CDKL1: variants seen among roughly 807,000 people sequenced by gnomAD.
The protein encoded by CDKL1 is cyclin-dependent kinase-like 1.
A neutral mutation model predicts 42.0 loss-of-function variants in CDKL1; 41 were observed. The observed-to-expected ratio is 0.98, with a 90% confidence interval of 0.76 to 1.27. The LOEUF is 1.27. Ranked by LOEUF, CDKL1 falls within the 50% of genes most tolerant of loss-of-function variation. CDKL1 has a pLI of 0.00. For missense variants in CDKL1, 394 were observed against 428.4 expected (o/e 0.92, Z 0.71); for synonymous variants, 153 against 158.6 (o/e 0.96, Z 0.26).
chr14:50,368,440 T>A (rs937798131), intron 2 of CDKL1, among the ~76,000 whole-genome samples: 10 of 152,044 alleles, frequency 6.6e-5, no homozygotes, highest in African/African-American at 2.4e-4. Flanking sequence ...ATTTTTAAAA[T>A]TTTTTTAGAG....
In CDKL1 at chr14:50,327,700, G is replaced by A. The variant is rs2032763276; in HGVS notation, c.*2374C>T. ...GACTGGTCTTGAACTCCTAACCTCAGGATCCACCCGCCTCGGCCTCCCAAA... is the reference window on the plus strand; with the variant it reads ...GACTGGTCTTGAACTCCTAACCTCAAGATCCACCCGCCTCGGCCTCCCAAA... On this transcript the variant is annotated 3_prime_UTR_variant, in exon 10 of 10. Transcript: ENST00000395834. 6.6e-6 allele frequency: 1 copy of A among 151,986 alleles called. No homozygotes were observed. Among genetic ancestry groups the A allele is most frequent in the Admixed American group, 6.5e-5 (1 of 15,276 alleles). The allele number at this position is 151,986 out of a possible 1,614,324, so 9.4% of individuals were successfully genotyped here.
Position 50,329,857 on chromosome 14 carries a change from C to T in CDKL1, c.*217G>A. ...CATAAACTGAAATACAAGTGCAACT[C>T]CAAACAGGTTTTTTCTTTTCTGGAC... On this transcript the variant is annotated 3_prime_UTR_variant, in exon 10 of 10. Transcript: ENST00000395834. 1.9e-6 allele frequency: 1 copy of T among 527,854 alleles called. No individual in the cohort carries two copies. The highest frequency in any genetic ancestry group is 3.2e-6 in the Non-Finnish European group (1 of 309,470). The allele number at this position is 527,854 out of a possible 1,614,324, so 32.7% of individuals were successfully genotyped here. A position where few individuals can be genotyped will look rare whatever the true frequency, so the allele number is the denominator to read the frequency against.
At chr14:50,353,020 C>T (rs115808953) in intron 3 of CDKL1, among the ~76,000 whole-genome samples, 7 of 152,294 alleles carry the variant, frequency 4.6e-5, no homozygotes, top group Non-Finnish European at 7.4e-5. Context: ...TAACTGCATC[C>T]ATCTCGACTT....
chr14:50,342,583 T>A, intron 4 of CDKL1: 1 of 251,122 alleles, frequency 4.0e-6, no homozygotes, highest in Non-Finnish European at 6.9e-6. Context: ...ATACTAAAAG[T>A]TATGCTTGTT....
intron 3 of CDKL1, among the ~76,000 whole-genome samples, chr14:50,354,862 C>T (rs2139437008): frequency 6.6e-6 from 1 of 151,872 alleles, no homozygotes; most frequent in South Asian, 2.1e-4. Context: ...TCTGATTTGG[C>T]AAGAATTATT....
intron 3 of CDKL1, among the ~76,000 whole-genome samples, chr14:50,347,922 T>G (rs992779842): frequency 6.6e-6 from 1 of 152,134 alleles, no homozygotes; most frequent in East Asian, 1.9e-4. Context: ...CTCAGGAGAA[T>G]ACAGTATCAC....
rs2035393127 is a variant in CDKL1 at position 50,396,077 on chromosome 14, T to C, written c.-209A>G. On this transcript the variant is annotated 5_prime_UTR_variant, in exon 2 of 10. Transcript: ENST00000395834. ...GATGGGCGCCCGTAGTCCCAGCAAC[T>C]CAGGAGACTGAGGCAGGAGAATCGC... 2 of 1,117,504 alleles carry C rather than the reference T, an allele frequency of 1.8e-6. No individual in the cohort carries two copies. Among genetic ancestry groups the C allele is most frequent in the East Asian group, 4.0e-5 (1 of 24,986 alleles). 69.2% of individuals were successfully genotyped at this position (1,117,504 alleles called of 1,614,324 possible). A position where few individuals can be genotyped will look rare whatever the true frequency, so the allele number is the denominator to read the frequency against.
rs74817624 is a variant in CDKL1 at position 50,373,272 on chromosome 14, A to G, written c.169-14123T>C. Among the ~76,000 whole-genome samples, 661 of 152,338 alleles carry G rather than the reference A, an allele frequency of 4.3e-3. 5 individuals are homozygous for G. Among genetic ancestry groups the G allele is most frequent in the African/African-American group, 0.015 (626 of 41,570 alleles). The stretch of plus-strand genomic sequence containing the variant: ...TATTACAAAGAAGTCTTATTTATGT[A>G]TTGTTAAGAAAAAGACGACCCAGTG... On this transcript the variant is annotated intron_variant, in intron 2 of 9. Transcript: ENST00000395834.
intron 3 of CDKL1, among the ~76,000 whole-genome samples, chr14:50,353,957 C>CT (rs529856608): frequency 0.014 from 1,947 of 142,874 alleles, 21 homozygotes; most frequent in Middle Eastern, 0.057. Flanking sequence ...TCAATTTTTT[C>CT]TTTTTTTTTT....
In CDKL1 at chr14:50,334,627, GA is replaced by G; in HGVS notation, c.739-7del. ...AATTTTAATTCAAGTGGTTCCTGTTGAAAAGAAAAGAGGTTTTTAATTTACA... is the reference window on the plus strand; with the variant it reads ...AATTTTAATTCAAGTGGTTCCTGTTGAAAGAAAAGAGGTTTTTAATTTACA... On this transcript the variant is annotated splice_polypyrimidine_tract_variant and splice_region_variant and intron_variant, in intron 7 of 9. Transcript: ENST00000395834. 6.4e-7 allele frequency: 1 copy of G among 1,557,324 alleles called. No individual in the cohort carries two copies.
intron 2 of CDKL1, among the ~76,000 whole-genome samples, chr14:50,391,784 G>A (rs2035263733): frequency 6.6e-6 from 1 of 152,018 alleles, no homozygotes; most frequent in South Asian, 2.1e-4. Flanking sequence ...CCAACATCAA[G>A]TTTTTTCTCT....
intron 2 of CDKL1, among the ~76,000 whole-genome samples, chr14:50,381,670 A>G (rs535812619): frequency 2.0e-5 from 3 of 152,264 alleles, no homozygotes; most frequent in Non-Finnish European, 4.4e-5. Context: ...GAATTAATGC[A>G]GCAACCCTGT....
In CDKL1 at chr14:50,359,102, C is replaced by G; in HGVS notation, c.216G>C (p.Arg72Ser). 1 of 1,612,988 alleles carries G rather than the reference C, an allele frequency of 6.2e-7. No individual in the cohort carries two copies. The highest frequency in any genetic ancestry group is 1.1e-5 in the South Asian group (1 of 91,016). The change falls in exon 3 of 10, where the codon AGG becomes AGC. Residue 72 changes from arginine to serine, a missense_variant. Physicochemically the swap from Arg to Ser is moderately radical, Grantham distance 110 (BLOSUM62 -1). Transcript: ENST00000395834. ...CAAACACCAGGTGAAGCCTCCGTTT[C>G]CTCCTGAAGACTTCCAGGAGGTTAA... ...NLVNLLEVFRRKRRLHLVFEY... is the reference protein window; with the variant it reads ...NLVNLLEVFRSKRRLHLVFEY...
At chr14:50,337,293 G>A (rs2033331050) in intron 7 of CDKL1, among the ~76,000 whole-genome samples, 2 of 151,206 alleles carry the variant, frequency 1.3e-5, no homozygotes, top group Non-Finnish European at 2.9e-5. Flanking sequence ...ACAGGCGTGA[G>A]CCACCATGCC....
At chr14:50,358,042 C>G (rs1433115517) in intron 3 of CDKL1, 1 of 1,354,072 alleles carries the variant, frequency 7.4e-7, no homozygotes, top group Admixed American at 1.9e-5. Flanking sequence ...AGGCTGCCCT[C>G]AACTTCAGGA....
chr14:50,378,181 A>G (rs1222490074), intron 2 of CDKL1: 1 of 1,366,360 alleles, frequency 7.3e-7, no homozygotes, highest in East Asian at 4.5e-5. Flanking sequence ...CTTTACCTGC[A>G]GACCTTAAAA....
chr14:50,353,275 G>C (rs1311078604), intron 3 of CDKL1, among the ~76,000 whole-genome samples: 2 of 152,172 alleles, frequency 1.3e-5, no homozygotes, highest in African/African-American at 4.8e-5. Context: ...TGAAAGTGAA[G>C]ACATCAAACC....
intron 2 of CDKL1, chr14:50,362,869 G>C (rs955862044): frequency 1.3e-5 from 5 of 394,522 alleles, no homozygotes; most frequent in Non-Finnish European, 2.8e-5. Flanking sequence ...CAGGCTGCCC[G>C]ACCCAGCAGT....
At position 50,365,558 on chromosome 14, in the gene CDKL1, T is replaced by C. The variant is rs934837758; in HGVS notation, c.169-6409A>G. The stretch of plus-strand genomic sequence containing the variant: ...CGAAAATACTCCAGAGCAGCAGATA[T>C]GTGGTCTGGCATAGCACCCTTATGA... On this transcript the variant is annotated intron_variant, in intron 2 of 9. Coordinates refer to ENST00000395834, the MANE Select transcript of CDKL1 (RefSeq NM_004196.7). Among the ~76,000 whole-genome samples the C allele has an allele frequency of 8.5e-5, 13 of 152,178 alleles. 1 individual carries two copies. The highest frequency in any genetic ancestry group is 1.6e-4 in the Non-Finnish European group (11 of 68,046).
Sources: gnomAD v4.1 joint callset for allele counts (sites outside exome capture counted in the v4.1 genomes callset) on GRCh38, gnomAD v4.1.1 for gene constraint, MANE v1.5 for transcripts, NCBI Gene and HGNC (gene_info 2026-07-23, HGNC 2026-07-21) for gene names.